RBPJL: variants seen among roughly 807,000 people sequenced by gnomAD.
RBPJL encodes recombination signal binding protein for immunoglobulin kappa J region like.
RBPJL carries 50 observed loss-of-function variants against 57.6 expected under a neutral mutation model. That is an observed-to-expected ratio of 0.87 (90% CI 0.69 to 1.10). The LOEUF is 1.10. Among genes scored for constraint, RBPJL ranks in the 50% least tolerant of loss-of-function variants. The pLI, the probability that RBPJL is intolerant of heterozygous loss-of-function variation, is 0.00. For missense variants in RBPJL, 684 were observed against 693.7 expected, an observed-to-expected ratio of 0.99 and a Z score of 0.16; for synonymous variants, 303 against 294.4, an observed-to-expected ratio of 1.03 and a Z score of -0.30.
intron 2 of RBPJL, 99 bp from the exon 3 acceptor site, chr20:45,309,468 C>T (rs1240353503): frequency 4.5e-6 from 6 of 1,343,964 alleles, no homozygotes; most frequent in Non-Finnish European, 5.0e-6. Context: ...ACTCTAACCC[C>T]CTGCTCACTT....
Position 45,316,501 on chromosome 20 carries a change from A to T in RBPJL, c.1201A>T (p.Thr401Ser). Residue 401 changes from threonine to serine, a missense_variant, in exon 11 of 12, where the codon ACG becomes TCG. By Grantham distance (58) the Thr-to-Ser change is moderately conservative (BLOSUM62 1). Transcript: ENST00000343694. ...LELSGGGDVA[T>S]LELHGENFHA... The stretch of plus-strand genomic sequence containing the variant: ...GCTGAGCGGCGGGGGCGACGTGGCC[A>T]CGCTGGAGCTCCACGGAGAGAACTT... The T allele has an allele frequency of 1.3e-6, 2 of 1,544,684 alleles. No individual in the cohort carries two copies. Among genetic ancestry groups the T allele is most frequent in the Non-Finnish European group, 1.7e-6 (2 of 1,145,204 alleles).
rs60565951 is a variant in RBPJL, at chr20:45,316,988, C to G, written c.*29C>G. On this transcript the variant is annotated 3_prime_UTR_variant, in exon 12 of 12. Coordinates refer to ENST00000343694, the MANE Select transcript of RBPJL (RefSeq NM_014276.4). Reference sequence around the variant, plus strand: ...CGCCCGGTAGCCCCGGCTGCCCACCCTGGAGGGCTGCGCCCGCGCCAGGCG... The same window carrying G: ...CGCCCGGTAGCCCCGGCTGCCCACCGTGGAGGGCTGCGCCCGCGCCAGGCG... 6,172 of 1,595,414 alleles carry G rather than the reference C, an allele frequency of 3.9e-3. 83 individuals are homozygous for G. The African/African-American group carries it at 0.043, about 11-fold the overall frequency.
chr20:45,308,129 C>T lies in RBPJL; in HGVS notation c.23-14C>T. On this transcript the variant is annotated splice_polypyrimidine_tract_variant and intron_variant, in intron 1 of 11. Coordinates refer to ENST00000343694, the MANE Select transcript of RBPJL (RefSeq NM_014276.4). The stretch of plus-strand genomic sequence containing the variant: ...ACACTCGCCTGACCTGGCTTGATGC[C>T]TACTCCCCTGCAGACCCCTCAGTGC... The T allele has an allele frequency of 6.3e-7, 1 of 1,594,828 alleles. No individual in the cohort carries two copies. Among genetic ancestry groups the T allele is most frequent in the Non-Finnish European group, 8.6e-7 (1 of 1,162,904 alleles).
At chr20:45,312,477 G>A (rs1987234792) in intron 6 of RBPJL, 82 bp downstream of exon 6, 1 of 1,418,548 alleles carries the variant, frequency 7.0e-7, no homozygotes, top group Non-Finnish European at 9.6e-7. Context: ...GCGCGGAGGT[G>A]GGGGTAGGCT....
Position 45,308,153 on chromosome 20 carries a change from G to T in RBPJL, c.33G>T (p.Val11=). Reference sequence around the variant, plus strand: ...CCTACTCCCCTGCAGACCCCTCAGTGCCTCCCAATCCTTTGACTCACCTGA... The same window carrying T: ...CCTACTCCCCTGCAGACCCCTCAGTTCCTCCCAATCCTTTGACTCACCTGA... MDPAGAADPS[V]PPNPLTHLSL... The change falls in exon 2 of 12, where the codon GTG becomes GTT. Residue 11 remains valine (V), a synonymous_variant. Coordinates refer to ENST00000343694, the MANE Select transcript of RBPJL (RefSeq NM_014276.4). 6.2e-7 allele frequency: 1 copy of T among 1,613,328 alleles called. No individual in the cohort carries two copies. The highest frequency in any genetic ancestry group is 8.5e-7 in the Non-Finnish European group (1 of 1,179,310).
intron 6 of RBPJL, 136 bp from the exon 7 acceptor site, chr20:45,313,332 C>A: frequency 1.6e-6 from 1 of 612,992 alleles, no homozygotes; most frequent in Non-Finnish European, 2.7e-6. Flanking sequence ...CTCACTCTAA[C>A]CCTCACCCTA....
Position 45,316,316 on chromosome 20 carries a change from C to A in RBPJL, c.1150C>A (p.Pro384Thr), listed in dbSNP as rs1365237875. 1.2e-6 allele frequency: 2 copies of A among 1,614,194 alleles called. No homozygotes were observed. The highest frequency in any genetic ancestry group is 2.2e-5 in the South Asian group (2 of 91,084). The change falls in exon 10 of 12, where the codon CCG (proline) becomes ACG (threonine). Residue 384 changes from proline (P) to threonine (T), a missense_variant. By Grantham distance (38) the Pro-to-Thr change is conservative. Transcript: ENST00000343694. The stretch of plus-strand genomic sequence containing the variant: ...GGCGTGTACCCTGGAGCCGGTCACT[C>A]CGGTGCCTCTCATCAGCACCCTAGA... ...SLACTLEPVT[P>T]VPLISTLELS...
At chr20:45,313,784 T>C (rs1195994983) in intron 7 of RBPJL, among the ~76,000 whole-genome samples, 179 bp downstream of exon 7, 1 of 152,200 alleles carries the variant, frequency 6.6e-6, no homozygotes, top group East Asian at 1.9e-4. Flanking sequence ...CTGACTCCCT[T>C]ATCCATGCCC....
chr20:45,312,840 A>AG (rs1172740981), intron 6 of RBPJL, among the ~76,000 whole-genome samples: 1 of 151,340 alleles, frequency 6.6e-6, no homozygotes, highest in Non-Finnish European at 1.5e-5. Context: ...AAAAAAAAAA[A>AG]AAAAAAGAAA....
At chr20:45,316,082 A>G (rs762187905) in intron 9 of RBPJL, 105 bp from the exon 10 acceptor site, 25 of 1,056,464 alleles carry the variant, frequency 2.4e-5, no homozygotes, top group Non-Finnish European at 3.1e-5. Flanking sequence ...GCCTAGGATT[A>G]GTATCCAGTT....
chr20:45,317,430 T>A lies in RBPJL; in HGVS notation c.*471T>A, dbSNP rs541251282. 6.3e-6 allele frequency: 1 copy of A among 158,462 alleles called. No homozygotes were observed. The highest frequency in any genetic ancestry group is 6.4e-5 in the Admixed American group (1 of 15,720). The allele number at this position is 158,462 out of a possible 1,614,324, so 9.8% of individuals were successfully genotyped here. On this transcript the variant is annotated 3_prime_UTR_variant, in exon 12 of 12. Transcript: ENST00000343694. ...AAGAGAAAACACACAGCTTCACACA[T>A]CCAGGCATAGGGGGCAAGCTCTTGG... is the stretch of plus-strand genomic sequence containing the variant.
In RBPJL at chr20:45,317,231, A is replaced by C; in HGVS notation, c.*272A>C. ...TTCATTTCTTCTCACTCTGTCTCTA[A>C]ACCTCTCTCTCTCTCCCTTCCCCCT... On this transcript the variant is annotated 3_prime_UTR_variant, in exon 12 of 12. Coordinates refer to ENST00000343694, the MANE Select transcript of RBPJL (RefSeq NM_014276.4). 1 of 533,194 alleles carries C rather than the reference A, an allele frequency of 1.9e-6. No homozygotes were observed. Among genetic ancestry groups the C allele is most frequent in the East Asian group, 3.2e-5 (1 of 31,744 alleles). The allele number at this position is 533,194 out of a possible 1,614,324, so 33.0% of individuals were successfully genotyped here. A position where few individuals can be genotyped will look rare whatever the true frequency, so the allele number is the denominator to read the frequency against.
chr20:45,316,142 C>G (rs756278962), intron 9 of RBPJL, 45 bp from the exon 10 acceptor site: 1 of 1,594,140 alleles, frequency 6.3e-7, no homozygotes, highest in Non-Finnish European at 8.6e-7. Flanking sequence ...ACACTGGTGG[C>G]CACCATGAGA....
rs756771074 is a variant in RBPJL, at chr20:45,311,656, C to T, written c.325C>T (p.Gln109Ter). The change falls in exon 4 of 12, where the codon CAA (glutamine) becomes TAA (stop). Residue 109 changes from glutamine to a stop codon, truncating the protein, a stop_gained. Coordinates refer to ENST00000343694, the MANE Select transcript of RBPJL (RefSeq NM_014276.4). LOFTEE classifies it high-confidence loss of function. ...CTGGAGGGTGAAGCCAGGGCAGGAT[C>T]AAGGTGAGGGCGGAATCAAGGGCTG... The part of the protein sequence containing the change: ...PGWRVKPGQD[Q>*]AHQAGETGPT... The T allele has an allele frequency of 1.2e-6, 2 of 1,614,116 alleles. No homozygotes were observed. Among genetic ancestry groups the T allele is most frequent in the South Asian group, 2.2e-5 (2 of 91,058 alleles).
intron 6 of RBPJL, among the ~76,000 whole-genome samples, chr20:45,312,764 C>T (rs953946947): frequency 7.0e-6 from 1 of 143,202 alleles, no homozygotes; most frequent in Non-Finnish European, 1.5e-5. Context: ...CCAAGGTGGG[C>T]GGATCAGTTG....
Position 45,311,330 on chromosome 20 carries a change from C to T in RBPJL, c.258-259C>T, listed in dbSNP as rs552061357. Among the ~76,000 whole-genome samples the T allele has an allele frequency of 2.6e-4, 40 of 151,928 alleles. No individual in the cohort carries two copies. The South Asian group carries it at 8.3e-3, about 32-fold the overall frequency. On this transcript the variant is annotated intron_variant, in intron 3 of 11. Transcript: ENST00000343694. ...AAGTAATGGCGGCTGGGATGAAGGG[C>T]GAGGTGGTAAAAAGCCAGTGGATTC...
At chr20:45,314,385 C>T (rs1490897029) in intron 8 of RBPJL, 28 bp from the exon 9 acceptor site, 1 of 1,604,402 alleles carries the variant, frequency 6.2e-7, no homozygotes, top group Admixed American at 1.7e-5. Flanking sequence ...TCCTTGCCAC[C>T]ACTGTTCTTA....
chr20:45,311,467 C>A, intron 3 of RBPJL, 122 bp from the exon 4 acceptor site: 1 of 834,984 alleles, frequency 1.2e-6, no homozygotes, highest in Non-Finnish European at 2.0e-6. Flanking sequence ...CGTGAAAAAG[C>A]GTTGCGGGGA....
chr20:45,313,926 G>T, intron 7 of RBPJL, 109 bp from the exon 8 acceptor site: 1 of 814,174 alleles, frequency 1.2e-6, no homozygotes, highest in Non-Finnish European at 2.0e-6. Flanking sequence ...AAGCTTTCCC[G>T]CAGGGCCCAT....
Sources: allele counts gnomAD v4.1 joint callset (sites outside exome capture counted in the v4.1 genomes callset), GRCh38; gene constraint gnomAD v4.1.1; transcripts MANE v1.5; gene names NCBI Gene and HGNC (gene_info 2026-07-23, HGNC 2026-07-21).